Variants in KCNIP4 observed in about 807,000 individuals in gnomAD.
KCNIP4 encodes the protein potassium voltage-gated channel interacting protein 4.
In KCNIP4, 12 loss-of-function variants were observed where a neutral mutation model predicts 34.0. That is an observed-to-expected ratio of 0.35 (90% CI 0.23 to 0.57). The LOEUF (loss-of-function observed/expected upper bound fraction) is 0.57. KCNIP4 is among the 20% of genes least tolerant of loss of function. KCNIP4 has a pLI of 0.83. For missense variants in KCNIP4, 238 were observed against 311.7 expected, an observed-to-expected ratio of 0.76 and a Z score of 1.78; for synonymous variants, 124 against 102.2, an observed-to-expected ratio of 1.21 and a Z score of -1.29.
At chr4:21,134,340 T>C (rs879842547) in intron 1 of KCNIP4, among the ~76,000 whole-genome samples, 4 of 152,188 alleles carry the variant, frequency 2.6e-5, no homozygotes, top group Non-Finnish European at 4.4e-5. Flanking sequence ...TTAATAACAT[T>C]TCCTTTCTCT....
chr4:20,790,054 A>G (rs74417841), intron 3 of KCNIP4, among the ~76,000 whole-genome samples: 4,686 of 152,196 alleles, frequency 0.031, 89 homozygotes, highest in South Asian at 0.088. Context: ...ACACAAACCT[A>G]GATGGTACAC....
At chr4:21,303,704 T>G in intron 1 of KCNIP4, 1 of 839,100 alleles carries the variant, frequency 1.2e-6, no homozygotes, top group Admixed American at 2.3e-5. Flanking sequence ...CATCCCAGAG[T>G]AACATTTCTC....
At chr4:21,370,865 A>ACC in intron 1 of KCNIP4, among the ~76,000 whole-genome samples, 1 of 62,534 alleles carries the variant, frequency 1.6e-5, no homozygotes, top group Non-Finnish European at 3.1e-5. Flanking sequence ...ACACACACAC[A>ACC]CACACACACA....
At chr4:21,844,248 G>C (rs1044702252) in intron 1 of KCNIP4, 15 of 152,082 alleles carry the variant, frequency 9.9e-5, no homozygotes, top group African/African-American at 3.6e-4. Flanking sequence ...AACAGTGTTT[G>C]AGAGATTAAA....
chr4:21,787,697 T>G (rs1036649650), intron 1 of KCNIP4, among the ~76,000 whole-genome samples: 1 of 152,192 alleles, frequency 6.6e-6, no homozygotes, highest in Non-Finnish European at 1.5e-5. Flanking sequence ...ATTATAACGT[T>G]TCACACACAG....
At chr4:20,934,506 CTGTTT>C (rs1239329925) in intron 1 of KCNIP4, among the ~76,000 whole-genome samples, 1 of 152,132 alleles carries the variant, frequency 6.6e-6, no homozygotes, top group African/African-American at 2.4e-5. Context: ...TTTTGCCTAT[CTGTTT>C]TTGGGCTTCC....
intron 3 of KCNIP4, among the ~76,000 whole-genome samples, chr4:20,841,154 A>G (rs892303369): frequency 6.6e-6 from 1 of 152,206 alleles, no homozygotes; most frequent in African/African-American, 2.4e-5. Context: ...CAGCACTTCA[A>G]TTTTACTCAG....
chr4:21,911,681 G>A (rs1728343334), intron 1 of KCNIP4, among the ~76,000 whole-genome samples: 1 of 149,038 alleles, frequency 6.7e-6, no homozygotes. Flanking sequence ...TGATGTACCT[G>A]CTAGACCCCT....
chr4:21,578,198 G>T (rs897055823), intron 1 of KCNIP4, among the ~76,000 whole-genome samples: 1 of 151,930 alleles, frequency 6.6e-6, no homozygotes, highest in Non-Finnish European at 1.5e-5. Context: ...GCCGGGCGTG[G>T]TAGCGGGCAC....
intron 1 of KCNIP4, among the ~76,000 whole-genome samples, chr4:21,516,386 G>C (rs1328841089): frequency 6.6e-6 from 1 of 152,182 alleles, no homozygotes; most frequent in Non-Finnish European, 1.5e-5. Flanking sequence ...GGCAGAATAA[G>C]TCCTACCACA....
intron 1 of KCNIP4, among the ~76,000 whole-genome samples, chr4:20,925,568 G>T (rs1432982793): frequency 6.6e-6 from 1 of 152,068 alleles, no homozygotes; most frequent in Admixed American, 6.5e-5. Context: ...AGCCCTCAGG[G>T]GCTGCTCTGT....
chr4:21,494,690 T>C (rs1008249932), intron 1 of KCNIP4, among the ~76,000 whole-genome samples: 19 of 151,498 alleles, frequency 1.3e-4, no homozygotes, highest in Admixed American at 3.3e-4. Flanking sequence ...AGAGAATCGC[T>C]TGAACCTGGG....
chr4:20,860,160 A>G (rs1443452798), intron 2 of KCNIP4, among the ~76,000 whole-genome samples: 4 of 150,854 alleles, frequency 2.7e-5, no homozygotes, highest in Non-Finnish European at 5.9e-5. Flanking sequence ...TTTTTTTGAG[A>G]TGGAGTCTCG....
intron 1 of KCNIP4, among the ~76,000 whole-genome samples, chr4:21,810,480 G>A (rs1578018712): frequency 6.6e-6 from 1 of 152,014 alleles, no homozygotes; most frequent in African/African-American, 2.4e-5. Flanking sequence ...CACGAGGTCA[G>A]GAGATCGAGA....
At chr4:21,208,492 G>C (rs887101381) in intron 1 of KCNIP4, among the ~76,000 whole-genome samples, 1 of 152,080 alleles carries the variant, frequency 6.6e-6, no homozygotes, top group African/African-American at 2.4e-5. Context: ...ACATTTCCTT[G>C]ATCTTCTAAC....
intron 3 of KCNIP4, among the ~76,000 whole-genome samples, chr4:20,779,577 C>T: frequency 2.1e-4 from 1 of 4,776 alleles, no homozygotes; most frequent in Non-Finnish European, 7.9e-4. Flanking sequence ...TGCCCCACAA[C>T]CCCCCCCCCC....
At position 21,511,565 on chromosome 4, in the gene KCNIP4, A is replaced by G. The variant is rs183467004; in HGVS notation, c.61+437006T>C. Among the ~76,000 whole-genome samples, 72 of 152,262 alleles carry G rather than the reference A, an allele frequency of 4.7e-4. No individual in the cohort carries two copies. The East Asian group carries it at 8.1e-3, about 17-fold the overall frequency. On this transcript the variant is annotated intron_variant, in intron 1 of 8. Transcript: ENST00000382152. ...AAATGACATTGATTAAATTATAGAGAAAGGCTTTGTTTGGTAATTTTCTTA... is the reference window on the plus strand; with the variant it reads ...AAATGACATTGATTAAATTATAGAGGAAGGCTTTGTTTGGTAATTTTCTTA...
intron 1 of KCNIP4, among the ~76,000 whole-genome samples, chr4:20,952,073 A>C (rs926503465): frequency 6.6e-6 from 1 of 152,176 alleles, no homozygotes; most frequent in African/African-American, 2.4e-5. Context: ...ATAGATGAAA[A>C]AATATTATCA....
intron 1 of KCNIP4, among the ~76,000 whole-genome samples, chr4:21,517,940 C>A (rs191730082): frequency 6.6e-6 from 1 of 152,224 alleles, no homozygotes; most frequent in Admixed American, 6.5e-5. Context: ...GGATGTTATC[C>A]TATTTATTCC....
Sources: allele counts gnomAD v4.1 joint callset (sites outside exome capture counted in the v4.1 genomes callset), GRCh38; gene constraint gnomAD v4.1.1; transcripts MANE v1.5; gene names NCBI Gene and HGNC (gene_info 2026-07-23, HGNC 2026-07-21).